Variants in SOX5 observed in about 807,000 individuals in gnomAD.
SOX5 encodes the protein SRY-box transcription factor 5, also known as transcription factor SOX-5.
Under a neutral mutation model 92.0 loss-of-function variants are expected in SOX5, and 9 were observed. The ratio of observed to expected loss-of-function variants is 0.10; its 90% confidence interval spans 0.06 to 0.17. The LOEUF (loss-of-function observed/expected upper bound fraction) is 0.17, where lower values mean the gene tolerates loss of function less well. Ranked by LOEUF, SOX5 falls within the 10% of genes least tolerant of loss-of-function variation. The pLI is 1.00. For missense variants in SOX5, 642 were observed against 944.5 expected (o/e 0.68, Z 4.20); for synonymous variants, 344 against 336.3 (o/e 1.02, Z -0.25).
intron 2 of SOX5, among the ~76,000 whole-genome samples, chr12:23,879,613 A>T: frequency 6.6e-6 from 1 of 152,212 alleles, no homozygotes; most frequent in Admixed American, 6.5e-5. Flanking sequence ...TCTTAAATTA[A>T]TGTATGTTTT....
chr12:23,584,423 T>C (rs1950439211), intron 9 of SOX5: 19 of 780,912 alleles, frequency 2.4e-5, no homozygotes, highest in South Asian at 1.6e-4. Flanking sequence ...TATACGCAGA[T>C]AGGCCATCTT....
Position 23,533,301 on chromosome 12 carries a change from A to ATGTC in SOX5, c.*914_*917dup. ...GAAAATATTTTTCTCTAAATTTCTT[A>ATGTC]TGTCTCTCTCTCTCTCTCTCTTTTC... is the stretch of plus-strand genomic sequence containing the variant. On this transcript the variant is annotated 3_prime_UTR_variant, in exon 15 of 15. Coordinates refer to ENST00000451604, the MANE Select transcript of SOX5 (RefSeq NM_006940.6). 2.5e-6 allele frequency: 1 copy of ATGTC among 398,504 alleles called. No homozygotes were observed. Among genetic ancestry groups the ATGTC allele is most frequent in the Non-Finnish European group, 5.2e-6 (1 of 190,484 alleles). 24.7% of individuals were successfully genotyped at this position (398,504 alleles called of 1,614,324 possible).
intron 4 of SOX5, among the ~76,000 whole-genome samples, chr12:24,192,973 A>G (rs1565626417): frequency 7.0e-6 from 1 of 142,448 alleles, no homozygotes; most frequent in East Asian, 1.9e-4. Flanking sequence ...AAACTAAAAC[A>G]TAGAGTAAAT....
chr12:24,413,296 T>C (rs1964448136), intron 1 of SOX5, among the ~76,000 whole-genome samples: 1 of 152,240 alleles, frequency 6.6e-6, no homozygotes, highest in Non-Finnish European at 1.5e-5. Context: ...TTAATAATTA[T>C]ATAATATCCC....
chr12:24,061,404 A>T (rs563451181), intron 4 of SOX5, among the ~76,000 whole-genome samples: 1 of 152,250 alleles, frequency 6.6e-6, no homozygotes, highest in South Asian at 2.1e-4. Context: ...ATTGCCATGT[A>T]TCCACTTTGT....
chr12:23,709,593 CAAATATAG>C (rs535371328), intron 6 of SOX5, among the ~76,000 whole-genome samples: 5 of 152,162 alleles, frequency 3.3e-5, no homozygotes, highest in Non-Finnish European at 5.9e-5. Context: ...CCAATAGGAG[CAAATATAG>C]AAAGTACAGG....
chr12:23,949,493 A>T, intron 1 of SOX5, 71 bp downstream of exon 1: 1 of 1,582,678 alleles, frequency 6.3e-7, no homozygotes, highest in Middle Eastern at 1.7e-4. Context: ...AGCATCTTCC[A>T]ATGATTCAGA....
At chr12:24,323,659 T>C (rs968685495) in intron 2 of SOX5, among the ~76,000 whole-genome samples, 1 of 152,136 alleles carries the variant, frequency 6.6e-6, no homozygotes, top group Non-Finnish European at 1.5e-5. Flanking sequence ...TTTTATTACA[T>C]TTTTAAATAT....
At chr12:23,815,602 A>C (rs1180586233) in intron 3 of SOX5, among the ~76,000 whole-genome samples, 1 of 152,236 alleles carries the variant, frequency 6.6e-6, no homozygotes, top group African/African-American at 2.4e-5. Flanking sequence ...TTTTCAAATA[A>C]AGGGAAATGA....
At chr12:24,199,221 C>A (rs769753172) in intron 4 of SOX5, among the ~76,000 whole-genome samples, 5 of 152,062 alleles carry the variant, frequency 3.3e-5, no homozygotes, top group Non-Finnish European at 7.4e-5. Flanking sequence ...GACAGGACAA[C>A]GGTACAATGC....
chr12:23,915,318 C>A (rs553279062), intron 1 of SOX5, among the ~76,000 whole-genome samples: 11 of 152,158 alleles, frequency 7.2e-5, no homozygotes, highest in Admixed American at 2.6e-4. Context: ...GGTTAGGATA[C>A]GACACAATCT....
chr12:23,862,774 C>T lies in SOX5; in HGVS notation c.271-16581G>A, dbSNP rs182695751. Among the ~76,000 whole-genome samples the T allele has an allele frequency of 2.4e-3, 358 of 152,272 alleles. 1 individual carries two copies. Among genetic ancestry groups the T allele is most frequent in the African/African-American group, 8.3e-3 (344 of 41,572 alleles). ...TCTCTGGCTTTTTACACTGAATTTA[C>T]GTGCTACCTGAGTTCTCTTGAAGCG... On this transcript the variant is annotated intron_variant, in intron 2 of 14. Coordinates refer to ENST00000451604, the MANE Select transcript of SOX5 (RefSeq NM_006940.6).
At chr12:23,904,310 C>G (rs2097267935) in intron 1 of SOX5, among the ~76,000 whole-genome samples, 1 of 150,368 alleles carries the variant, frequency 6.7e-6, no homozygotes, top group Non-Finnish European at 1.5e-5. Flanking sequence ...CCATACTTCT[C>G]TACCCATTTC....
intron 1 of SOX5, among the ~76,000 whole-genome samples, chr12:24,439,501 G>C (rs1180802281): frequency 6.6e-6 from 1 of 152,058 alleles, no homozygotes; most frequent in Non-Finnish European, 1.5e-5. Flanking sequence ...ATTTCACTTT[G>C]TTCACTCAAG....
At chr12:24,327,134 T>C (rs1204073659) in intron 2 of SOX5, among the ~76,000 whole-genome samples, 1 of 152,188 alleles carries the variant, frequency 6.6e-6, no homozygotes, top group Admixed American at 6.5e-5. Context: ...AAAAATTACG[T>C]GATGATTAAG....
At chr12:23,679,435 T>C (rs983693452) in intron 6 of SOX5, among the ~76,000 whole-genome samples, 13 of 152,182 alleles carry the variant, frequency 8.5e-5, no homozygotes, top group Non-Finnish European at 1.9e-4. Context: ...TATTTATTAA[T>C]TGCCTATGAT....
At chr12:24,433,444 A>G (rs777541095) in intron 1 of SOX5, among the ~76,000 whole-genome samples, 2 of 152,226 alleles carry the variant, frequency 1.3e-5, no homozygotes, top group Non-Finnish European at 2.9e-5. Flanking sequence ...TCACTTGATT[A>G]AAGATGAACT....
intron 2 of SOX5, among the ~76,000 whole-genome samples, chr12:23,882,084 C>T (rs542238483): frequency 2.0e-5 from 3 of 152,274 alleles, no homozygotes; most frequent in East Asian, 1.9e-4. Context: ...AAGATATACA[C>T]ATCCTCAGTA....
At position 24,180,030 on chromosome 12, in the gene SOX5, G is replaced by A. The variant is rs146128040; in HGVS notation, c.-2+33313C>T. On this transcript the variant is annotated intron_variant, in intron 4 of 4. Coordinates refer to the SOX5 transcript ENST00000446891. ...TAGTATCATCGCTCACTGCATCCTC[G>A]ACCTCCCAGGCTCAAGCAATCCTCC... 1.8e-3 allele frequency among the ~76,000 whole-genome samples: 270 copies of A among 150,948 alleles called. 1 individual carries two copies. The highest frequency in any genetic ancestry group is 6.2e-3 in the African/African-American group (253 of 41,106).
Sources: allele counts gnomAD v4.1 joint callset (sites outside exome capture counted in the v4.1 genomes callset), GRCh38; gene constraint gnomAD v4.1.1; transcripts MANE v1.5; gene names NCBI Gene and HGNC (gene_info 2026-07-23, HGNC 2026-07-21).